Variants in SULT1A1 observed in about 807,000 individuals in gnomAD.
The protein encoded by SULT1A1 is sulfotransferase family 1A member 1, also known as sulfotransferase 1A1.
A neutral mutation model predicts 36.8 loss-of-function variants in SULT1A1; 35 were observed. The observed-to-expected ratio is 0.95, with a 90% CI of 0.73 to 1.26. The LOEUF is 1.26. SULT1A1 is among the 50% of genes most tolerant of loss of function. The pLI is 0.00. For synonymous variants in SULT1A1, 119 were observed against 146.0 expected, an observed-to-expected ratio of 0.82 and a Z score of 1.33; for missense variants, 309 against 383.0, an observed-to-expected ratio of 0.81 and a Z score of 1.61.
exon 1 of SULT1A1, chr16:28,623,246 C>T (rs2047694277): frequency 6.5e-7 from 1 of 1,545,132 alleles, no homozygotes; most frequent in Admixed American, 2.0e-5. Flanking sequence ...GGCCCAGCCA[C>T]ACGTAGTTGA....
chr16:28,609,496 G>A (rs559718598), intron 1 of SULT1A1: 55 of 1,023,354 alleles, frequency 5.4e-5, no homozygotes, highest in Non-Finnish European at 7.1e-5. Flanking sequence ...AGGCAGGGTG[G>A]CTCCCACCTA....
At chr16:28,622,253 A>G (rs1474197002) in intron 1 of SULT1A1, among the ~76,000 whole-genome samples, 2 of 152,114 alleles carry the variant, frequency 1.3e-5, no homozygotes, top group Non-Finnish European at 2.9e-5. Flanking sequence ...TGTGCCAAGT[A>G]AAACTCCCAT....
chr16:28,621,922 C>G (rs2047664498), intron 1 of SULT1A1, among the ~76,000 whole-genome samples: 1 of 152,194 alleles, frequency 6.6e-6, no homozygotes, highest in South Asian at 2.1e-4. Context: ...AGCCTCCTGA[C>G]CTCAACCTGT....
rs1198064992 is a variant in SULT1A1 at position 28,605,935 on chromosome 16, T to C, written c.776-2A>G. 28 of 1,605,506 alleles carry C rather than the reference T, an allele frequency of 1.7e-5. No individual in the cohort carries two copies. The highest frequency in any genetic ancestry group is 2.4e-5 in the Non-Finnish European group (28 of 1,174,904). On this transcript the variant is annotated splice_acceptor_variant, in intron 7 of 7. Transcript: ENST00000314752. LOFTEE classifies it high-confidence loss of function. ...TGGTCTTCCAGTCCCCAGCCATGCCTGGGGGAGGAAGGCAGGGAGCAAAGC... is the reference window on the plus strand; with the variant it reads ...TGGTCTTCCAGTCCCCAGCCATGCCCGGGGGAGGAAGGCAGGGAGCAAAGC...
chr16:28,610,310 C>T, upstream of SULT1A1: 1 of 942,410 alleles, frequency 1.1e-6, no homozygotes, highest in Non-Finnish European at 1.4e-6. Flanking sequence ...CACTGGGCTC[C>T]TGACCTGCCC....
chr16:28,607,270 A>G (rs1355010896), intron 4 of SULT1A1, 193 bp from the exon 5 acceptor site: 2 of 920,926 alleles, frequency 2.2e-6, no homozygotes, highest in East Asian at 2.7e-5. Flanking sequence ...CCCTGAGACC[A>G]TCATATTCTA....
At chr16:28,610,813 G>C (rs950181578), upstream of SULT1A1, 1 of 152,676 alleles carries the variant, frequency 6.5e-6, no homozygotes, top group Admixed American at 6.5e-5. Context: ...CCCGTGGAAG[G>C]GGGGCATCCC....
In SULT1A1 at chr16:28,618,339, C is replaced by CTTTTTTTT. The variant is rs546277570; in HGVS notation, c.138+1716_138+1723dup. Among the ~76,000 whole-genome samples, 36 of 72,412 alleles carry CTTTTTTTT rather than the reference C, an allele frequency of 5.0e-4. 2 individuals carry two copies. The highest frequency in any genetic ancestry group is 6.9e-4 in the South Asian group (1 of 1,450). The allele number at this position is 72,412 out of a possible 152,430, so 47.5% of individuals were successfully genotyped here. A position where few individuals can be genotyped will look rare whatever the true frequency, so the allele number is the denominator to read the frequency against. On this transcript the variant is annotated intron_variant, in intron 2 of 5. Coordinates refer to the SULT1A1 transcript ENST00000350842. ...AAGTGTGAGCCGGCTACTTCCCGCT[C>CTTTTTTTT]TTTTTTTTTTTTTTTTTTTTTTTTG...
At chr16:28,621,821 GAT>G (rs1246126937) in intron 1 of SULT1A1, among the ~76,000 whole-genome samples, 1 of 152,098 alleles carries the variant, frequency 6.6e-6, no homozygotes, top group Non-Finnish European at 1.5e-5. Flanking sequence ...TTGCAATGAT[GAT>G]AGAGGCCACA....
intron 2 of SULT1A1, chr16:28,619,932 CATATACACAT>C: frequency 9.0e-6 from 6 of 665,632 alleles, no homozygotes; most frequent in Non-Finnish European, 9.7e-6. Flanking sequence ...CATATATATA[CATATACACAT>C]ATATACACAA....
Position 28,607,077 on chromosome 16 carries a change from C to T in SULT1A1, c.373G>A (p.Val125Met). 2 of 1,612,234 alleles carry T rather than the reference C, an allele frequency of 1.2e-6. No homozygotes were observed. The highest frequency in any genetic ancestry group is 1.3e-5 in the African/African-American group (1 of 74,982). The part of the protein sequence containing the change: ...PQTLLDQKVK[V>M]VYVARNAKDV... ...TTTGCGTTGCGGGCAACATAGACCA[C>T]CTGCAGGGGCAGAAGACTCAACCCC... Residue 125 changes from valine (V) to methionine (M), a missense_variant and splice_region_variant, in exon 5 of 8, where the codon GTG (valine) becomes ATG (methionine). Physicochemically the swap from Val to Met is conservative, Grantham distance 21. This residue lies in a region of SULT1A1 where 219 missense variants were observed against 215.3 expected (regional missense o/e 1.02). Coordinates refer to ENST00000314752, the MANE Select transcript of SULT1A1 (RefSeq NM_001055.4).
chr16:28,622,120 T>C (rs138505461), intron 1 of SULT1A1, among the ~76,000 whole-genome samples: 4,336 of 152,260 alleles, frequency 0.028, 215 homozygotes, highest in African/African-American at 0.099. Flanking sequence ...CATGACTCAC[T>C]GGGACCCCTA....
In SULT1A1 at chr16:28,609,320, A is replaced by G. The variant is rs572230887; in HGVS notation, c.-4-461T>C. 1.6e-5 allele frequency: 21 copies of G among 1,283,778 alleles called. No homozygotes were observed. The African/African-American group carries it at 2.7e-4, about 17-fold the overall frequency. The allele number at this position is 1,283,778 out of a possible 1,614,324, so 79.5% of individuals were successfully genotyped here. A position where few individuals can be genotyped will look rare whatever the true frequency, so the allele number is the denominator to read the frequency against. On this transcript the variant is annotated intron_variant, in intron 1 of 7. Coordinates refer to ENST00000314752, the MANE Select transcript of SULT1A1 (RefSeq NM_001055.4). ...CTCCTTGAGCCCCTCAGCCCCTCAC[A>G]TGTGGAAACCGCCCAGGCCAGCCAG...
At chr16:28,623,112 TCC>T (rs368920328) in intron 1 of SULT1A1, 13 of 1,029,410 alleles carry the variant, frequency 1.3e-5, no homozygotes, top group Middle Eastern at 2.4e-4. Flanking sequence ...CCCCCCAGGT[TCC>T]CCCCCCGGCC....
chr16:28,610,251 GTTTTTTTTTTCTGT>G (rs1367712182), upstream of SULT1A1: 13 of 585,388 alleles, frequency 2.2e-5, no homozygotes, highest in East Asian at 1.3e-3. Flanking sequence ...GTTTTTGTAG[GTTTTTTTTTTCTGT>G]TTTTTTTTTT....
At chr16:28,620,815 A>T (rs1334849143) in intron 1 of SULT1A1, among the ~76,000 whole-genome samples, 1 of 152,056 alleles carries the variant, frequency 6.6e-6, no homozygotes, top group Non-Finnish European at 1.5e-5. Flanking sequence ...TCTATCTTTT[A>T]AAAAAAGCTA....
intron 4 of SULT1A1, 93 bp downstream of exon 4, chr16:28,608,198 G>C (rs2047294009): frequency 6.5e-7 from 1 of 1,528,012 alleles, no homozygotes; most frequent in East Asian, 2.2e-5. Flanking sequence ...TGTTGCTCAG[G>C]GTGCTCTCAA....
chr16:28,606,002 G>A, intron 7 of SULT1A1, 54 bp downstream of exon 7: 1 of 1,581,206 alleles, frequency 6.3e-7, no homozygotes, highest in South Asian at 1.1e-5. Flanking sequence ...CCTATGGGGA[G>A]GCTGCAGCTG....
At chr16:28,610,241 GT>G (rs1397484241), upstream of SULT1A1, 5 of 290,478 alleles carry the variant, frequency 1.7e-5, no homozygotes, top group African/African-American at 2.9e-5. Context: ...TGGTGGGTTT[GT>G]TTTTGTAGGT....
Sources: allele counts gnomAD v4.1 joint callset (sites outside exome capture counted in the v4.1 genomes callset), GRCh38; gene constraint gnomAD v4.1.1; regional missense constraint gnomAD v4.1.1; transcripts MANE v1.5; gene names NCBI Gene and HGNC (gene_info 2026-07-23, HGNC 2026-07-21).